Variants in RARB observed in about 807,000 individuals in gnomAD.
RARB encodes HBV-activated protein.
Under a neutral mutation model 51.9 loss-of-function variants are expected in RARB, and 17 were observed. That is an observed-to-expected ratio of 0.33 (90% confidence interval 0.22 to 0.49). The LOEUF is 0.49. Among genes scored for constraint, RARB ranks in the 20% least tolerant of loss-of-function variants. RARB has a pLI of 0.99. For synonymous variants in RARB, 215 were observed against 195.4 expected (o/e 1.10, Z -0.84); for missense variants, 369 against 550.8 (o/e 0.67, Z 3.30).
At chr3:25,096,676 C>CTT (rs144746523) in intron 3 of RARB, among the ~76,000 whole-genome samples, 5,596 of 152,210 alleles carry the variant, frequency 0.037, 128 homozygotes, top group Middle Eastern at 0.058. Context: ...AAGAGGGCAG[C>CTT]TTAGCCACTT....
At chr3:25,388,590 T>C (rs191313771) in intron 5 of RARB, among the ~76,000 whole-genome samples, 1 of 152,216 alleles carries the variant, frequency 6.6e-6, no homozygotes, top group Non-Finnish European at 1.5e-5. Context: ...CCTGGCAAAA[T>C]GAAATTTGTG....
At chr3:24,898,336 G>A (rs977936971) in intron 2 of RARB, among the ~76,000 whole-genome samples, 2 of 149,688 alleles carry the variant, frequency 1.3e-5, no homozygotes, top group Admixed American at 6.7e-5. Flanking sequence ...TATTTATATT[G>A]TATATTATAT....
At chr3:25,524,747 T>A (rs540578826) in intron 3 of RARB, among the ~76,000 whole-genome samples, 2 of 152,040 alleles carry the variant, frequency 1.3e-5, no homozygotes, top group East Asian at 3.9e-4. Flanking sequence ...TTTTTTTTCA[T>A]GAGATACAGT....
At chr3:25,395,273 A>T (rs1707084793) in intron 5 of RARB, among the ~76,000 whole-genome samples, 1 of 152,068 alleles carries the variant, frequency 6.6e-6, no homozygotes, top group African/African-American at 2.4e-5. Flanking sequence ...TAAATCTGTT[A>T]ATCTGATAGG....
chr3:25,028,917 C>T (rs1439154986), intron 2 of RARB, among the ~76,000 whole-genome samples: 5 of 152,166 alleles, frequency 3.3e-5, no homozygotes, highest in Non-Finnish European at 7.4e-5. Context: ...ACCTCCAACT[C>T]CACCCCACCC....
intron 3 of RARB, among the ~76,000 whole-genome samples, chr3:25,506,252 C>CAAAAAAAA (rs35856686): frequency 3.5e-5 from 2 of 57,758 alleles, no homozygotes; most frequent in African/African-American, 7.0e-5. Flanking sequence ...GACTCCATCT[C>CAAAAAAAA]AAAAAAAAAA....
chr3:25,344,279 T>C (rs1399506859), intron 5 of RARB, among the ~76,000 whole-genome samples: 1 of 152,192 alleles, frequency 6.6e-6, no homozygotes, highest in Non-Finnish European at 1.5e-5. Context: ...TGGTGCTTTG[T>C]TTTTTTAAAA....
rs766378555 is a variant in RARB at position 25,421,403 on chromosome 3, C to CTTTTTTTTTTTTT, written c.179-39774_179-39762dup. On this transcript the variant is annotated intron_variant, in intron 5 of 11. Transcript: ENST00000383772. ...TTGCACTAACATTTTTTCTTCTTTT[C>CTTTTTTTTTTTTT]TTTTTTTTTTTTTTTTTTTTTTTTT... Among the ~76,000 whole-genome samples the CTTTTTTTTTTTTT allele has an allele frequency of 1.2e-4, 9 of 72,376 alleles. 1 individual carries two copies. The highest frequency in any genetic ancestry group is 3.9e-4 in the African/African-American group (6 of 15,482). The allele number at this position is 72,376 out of a possible 152,430, so 47.5% of individuals were successfully genotyped here. A position where few individuals can be genotyped will look rare whatever the true frequency, so the allele number is the denominator to read the frequency against.
chr3:25,489,542 AT>A (rs1167836167), intron 2 of RARB, among the ~76,000 whole-genome samples: 1 of 152,248 alleles, frequency 6.6e-6, no homozygotes, highest in Non-Finnish European at 1.5e-5. Context: ...ACAAAAAAAG[AT>A]TGTTACATCC....
intron 2 of RARB, among the ~76,000 whole-genome samples, chr3:25,010,948 G>A (rs1697381771): frequency 6.6e-6 from 1 of 152,056 alleles, no homozygotes; most frequent in South Asian, 2.1e-4. Context: ...CGAGGCCAAG[G>A]CTTTGCTTTC....
At chr3:25,016,406 C>T (rs1575120217) in intron 2 of RARB, among the ~76,000 whole-genome samples, 1 of 152,130 alleles carries the variant, frequency 6.6e-6, no homozygotes, top group South Asian at 2.1e-4. Context: ...CTGGCCTGTA[C>T]CCTCTGGATG....
At chr3:25,417,605 G>A (rs1019281170) in intron 5 of RARB, among the ~76,000 whole-genome samples, 2 of 152,116 alleles carry the variant, frequency 1.3e-5, no homozygotes, top group South Asian at 4.1e-4. Context: ...CCATGATTAT[G>A]AGGCCTCCCC....
chr3:25,587,408 C>T (rs1376300183), intron 5 of RARB, among the ~76,000 whole-genome samples: 2 of 152,096 alleles, frequency 1.3e-5, no homozygotes, highest in African/African-American at 4.8e-5. Flanking sequence ...AGTATTTAAA[C>T]ATGTATAATA....
intron 2 of RARB, among the ~76,000 whole-genome samples, chr3:25,031,017 C>T (rs1174372972): frequency 6.6e-6 from 1 of 152,156 alleles, no homozygotes; most frequent in African/African-American, 2.4e-5. Flanking sequence ...TCATGGGCCA[C>T]AGTAGGGTTT....
At chr3:24,863,142 A>C (rs2125343362) in intron 2 of RARB, among the ~76,000 whole-genome samples, 1 of 152,324 alleles carries the variant, frequency 6.6e-6, no homozygotes, top group African/African-American at 2.4e-5. Flanking sequence ...ACCCTGTCCA[A>C]ATCAGGAGCA....
chr3:25,541,419 T>C (rs934450888), intron 3 of RARB, among the ~76,000 whole-genome samples: 2 of 152,198 alleles, frequency 1.3e-5, no homozygotes, highest in Non-Finnish European at 2.9e-5. Context: ...AGGACACAGA[T>C]TTTTGTCTTT....
chr3:25,268,636 G>C (rs1014248010), intron 5 of RARB, among the ~76,000 whole-genome samples: 1 of 152,118 alleles, frequency 6.6e-6, no homozygotes, highest in Non-Finnish European at 1.5e-5. Flanking sequence ...ATTCCTGGGA[G>C]GCTCCTGCCT....
chr3:25,575,404 G>A (rs559431613), intron 4 of RARB, among the ~76,000 whole-genome samples: 1 of 152,302 alleles, frequency 6.6e-6, no homozygotes, highest in African/African-American at 2.4e-5. Flanking sequence ...GTTTCCTAGG[G>A]CTGCTGGAAC....
chr3:25,177,712 A>C (rs1700783343), intron 5 of RARB, among the ~76,000 whole-genome samples: 1 of 152,118 alleles, frequency 6.6e-6, no homozygotes. Context: ...TATCTCCTAG[A>C]CCTGAACCTG....
Sources: gnomAD v4.1 joint callset for allele counts (sites outside exome capture counted in the v4.1 genomes callset) on GRCh38, gnomAD v4.1.1 for gene constraint, MANE v1.5 for transcripts, NCBI Gene and HGNC (gene_info 2026-07-23, HGNC 2026-07-21) for gene names.